MCAT: variants seen among roughly 807,000 people sequenced by gnomAD.
The protein encoded by MCAT is malonyl-CoA-acyl carrier protein transacylase.
In MCAT, 22 loss-of-function variants were observed where a neutral mutation model predicts 22.9. That is an observed-to-expected ratio of 0.96 (90% CI 0.69 to 1.37). The LOEUF is 1.37. MCAT is among the 40% of genes most tolerant of loss of function. MCAT has a pLI of 0.00. For missense variants in MCAT, 534 were observed against 533.6 expected (o/e 1.00, Z -0.01); for synonymous variants, 240 against 233.9 (o/e 1.03, Z -0.24).
At chr22:43,134,165 C>T (rs1930538426) in intron 3 of MCAT, among the ~76,000 whole-genome samples, 1 of 152,152 alleles carries the variant, frequency 6.6e-6, no homozygotes. Context: ...AAAATTCAAG[C>T]CCCATTTCAC....
At chr22:43,135,995 C>A (rs1414427386) in intron 3 of MCAT, among the ~76,000 whole-genome samples, 6 of 152,190 alleles carry the variant, frequency 3.9e-5, no homozygotes, top group Non-Finnish European at 8.8e-5. Flanking sequence ...GTAGTCCCAG[C>A]TACTTGGGAG....
At chr22:43,142,472 G>A (rs1482899413) in intron 1 of MCAT, among the ~76,000 whole-genome samples, 1 of 151,226 alleles carries the variant, frequency 6.6e-6, no homozygotes, top group Non-Finnish European at 1.5e-5. Context: ...GGGTGACAGA[G>A]CAAGACTCTG....
At chr22:43,136,894 CA>C (rs1930628183) in intron 3 of MCAT, among the ~76,000 whole-genome samples, 186 bp downstream of exon 3, 1 of 152,204 alleles carries the variant, frequency 6.6e-6, no homozygotes, top group African/African-American at 2.4e-5. Context: ...CGTGGTGGAG[CA>C]GGGCAGCATT....
Position 43,132,531 on chromosome 22 carries a change from C to T in MCAT, c.*512G>A, listed in dbSNP as rs1173749031. On this transcript the variant is annotated 3_prime_UTR_variant, in exon 4 of 4. Coordinates refer to ENST00000290429, the MANE Select transcript of MCAT (RefSeq NM_173467.5). ...ATAAATGTGGGCCTCTGTCTCCCAG[C>T]TGTCAAGTGAGGAGGTGAACAAAAC... is the stretch of plus-strand genomic sequence containing the variant. The T allele has an allele frequency of 1.2e-5, 2 of 166,268 alleles. No individual in the cohort carries two copies. The highest frequency in any genetic ancestry group is 2.7e-5 in the Non-Finnish European group (2 of 75,114). 10.3% of individuals were successfully genotyped at this position (166,268 alleles called of 1,614,324 possible).
intron 3 of MCAT, 37 bp downstream of exon 3, chr22:43,137,044 G>A (rs1361017480): frequency 1.3e-6 from 2 of 1,568,590 alleles, no homozygotes; most frequent in East Asian, 2.2e-5. Flanking sequence ...CCTCCGTACT[G>A]GACTGGCCTA....
Position 43,141,156 on chromosome 22 carries a change from C to T in MCAT, c.511+6G>A, listed in dbSNP as rs374190074. ...GCCTTGCATAAAACCAAACTCCTTC[C>T]TGTACCTTCAGCAAATTCCATGGCT... On this transcript the variant is annotated splice_donor_region_variant and intron_variant, in intron 2 of 3. Coordinates refer to ENST00000290429, the MANE Select transcript of MCAT (RefSeq NM_173467.5). The T allele has an allele frequency of 3.5e-4, 562 of 1,613,842 alleles. 1 individual carries two copies. The highest frequency in any genetic ancestry group is 4.5e-4 in the Non-Finnish European group (536 of 1,179,904).
chr22:43,137,026 G>C, intron 3 of MCAT, 55 bp downstream of exon 3: 1 of 1,498,318 alleles, frequency 6.7e-7, no homozygotes, highest in South Asian at 1.1e-5. Context: ...GTGTGGAGCA[G>C]TTCCAACCCT....
rs1177105187 is a variant in MCAT, at chr22:43,141,232, AAC to A, written c.439_440del (p.Val147CysfsTer23). On this transcript the variant is annotated frameshift_variant, in exon 2 of 4. Transcript: ENST00000290429. LOFTEE classifies it high-confidence loss of function. ...CTCCCACACTGAATCCAGCAGCAGC[AAC>A]ACAGTTCTCAATCACCTGTGGGGAC... ...HLQPSVIENC[V>X]AAAGFSVGEF... 6.2e-7 allele frequency: 1 copy of A among 1,614,132 alleles called. No individual in the cohort carries two copies. Among genetic ancestry groups the A allele is most frequent in the South Asian group, 1.1e-5 (1 of 91,078 alleles).
intron 2 of MCAT, among the ~76,000 whole-genome samples, chr22:43,140,625 A>ACT (rs1477840382): frequency 1.3e-5 from 2 of 152,120 alleles, no homozygotes; most frequent in East Asian, 3.8e-4. Context: ...CTGGCATTAC[A>ACT]GGTGTGAATC....
chr22:43,134,934 C>T (rs535723733), intron 3 of MCAT, among the ~76,000 whole-genome samples: 3 of 152,370 alleles, frequency 2.0e-5, no homozygotes, highest in African/African-American at 7.2e-5. Context: ...CTCAGTAGCA[C>T]TTCCTGGAGC....
intron 1 of MCAT, among the ~76,000 whole-genome samples, chr22:43,141,979 C>T (rs1375415381): frequency 6.6e-6 from 1 of 152,242 alleles, no homozygotes; most frequent in Non-Finnish European, 1.5e-5. Flanking sequence ...CAGTGCTTAG[C>T]ACAGACCCAG....
chr22:43,135,515 A>AAC (rs1555973616), intron 3 of MCAT, among the ~76,000 whole-genome samples: 9 of 150,488 alleles, frequency 6.0e-5, no homozygotes, highest in African/African-American at 1.7e-4. Flanking sequence ...AAAAACAAAA[A>AAC]AAAAAAAAAA....
At chr22:43,134,984 A>T (rs1930561956) in intron 3 of MCAT, among the ~76,000 whole-genome samples, 1 of 152,102 alleles carries the variant, frequency 6.6e-6, no homozygotes, top group South Asian at 2.1e-4. Flanking sequence ...AGATCTCTGG[A>T]CTCTGGCTCA....
At position 43,132,932 on chromosome 22, in the gene MCAT, C is replaced by G; in HGVS notation, c.*111G>C. ...CCTTCAAAGCACGTTGCAAACAAAT[C>G]CCTTTCACTCCTCAGAGGAGGAGCC... On this transcript the variant is annotated 3_prime_UTR_variant, in exon 4 of 4. Transcript: ENST00000290429. 1 of 989,030 alleles carries G rather than the reference C, an allele frequency of 1.0e-6. No individual in the cohort carries two copies. The highest frequency in any genetic ancestry group is 2.4e-5 in the East Asian group (1 of 41,076). The allele number at this position is 989,030 out of a possible 1,614,324, so 61.3% of individuals were successfully genotyped here.
chr22:43,136,261 A>C (rs1018836253), intron 3 of MCAT, among the ~76,000 whole-genome samples: 1 of 152,216 alleles, frequency 6.6e-6, no homozygotes, highest in Admixed American at 6.5e-5. Flanking sequence ...CAAACAAAAA[A>C]AGAATCCCTT....
At chr22:43,137,753 A>G (rs62234270) in intron 2 of MCAT, among the ~76,000 whole-genome samples, 1 of 147,002 alleles carries the variant, frequency 6.8e-6, no homozygotes, top group Non-Finnish European at 1.5e-5. Context: ...TTTTTTTTAA[A>G]TAGTGCCACT....
At chr22:43,138,748 C>A (rs929649199) in intron 2 of MCAT, among the ~76,000 whole-genome samples, 9 of 152,148 alleles carry the variant, frequency 5.9e-5, no homozygotes, top group African/African-American at 2.2e-4. Context: ...AAAATCCCTA[C>A]AAAGCCACAC....
rs1303861780 is a variant in MCAT, at chr22:43,142,026, T to TAAGTGG, written c.424-778_424-777insCCACTT. ...CAGTGAATGAATATTATGATGACGA[T>TAAGTGG]TCAACAGGACCACTTAACTAATTCT... On this transcript the variant is annotated intron_variant, in intron 1 of 3. Transcript: ENST00000290429. 3.8e-3 allele frequency among the ~76,000 whole-genome samples: 578 copies of TAAGTGG among 152,320 alleles called. 2 individuals carry two copies. The highest frequency in any genetic ancestry group is 0.014 in the African/African-American group (563 of 41,556).
rs867241637 is a variant in MCAT at position 43,142,675 on chromosome 22, A to G, written c.423+251T>C. On this transcript the variant is annotated intron_variant, in intron 1 of 3. Coordinates refer to ENST00000290429, the MANE Select transcript of MCAT (RefSeq NM_173467.5). ...GTGGCGGGCGCCTGTAGTCCCAGCTACTTGGGAGGCTGAGGCAGGAGAATG... is the reference window on the plus strand; with the variant it reads ...GTGGCGGGCGCCTGTAGTCCCAGCTGCTTGGGAGGCTGAGGCAGGAGAATG... 5.3e-5 allele frequency among the ~76,000 whole-genome samples: 8 copies of G among 151,214 alleles called. 1 individual carries two copies. In the South Asian group the frequency reaches 1.5e-3, roughly 28 times the overall value.
Sources: gnomAD v4.1 joint callset for allele counts (sites outside exome capture counted in the v4.1 genomes callset) on GRCh38, gnomAD v4.1.1 for gene constraint, MANE v1.5 for transcripts, NCBI Gene and HGNC (gene_info 2026-07-23, HGNC 2026-07-21) for gene names.